Variants in CHRM3 observed in about 807,000 individuals in gnomAD.
CHRM3 encodes cholinergic receptor muscarinic 3.
Under a neutral mutation model 41.8 loss-of-function variants are expected in CHRM3, and 11 were observed. That is an observed-to-expected ratio of 0.26 (90% CI 0.17 to 0.44). The LOEUF is 0.44. CHRM3 is among the 20% of genes least tolerant of loss of function. CHRM3 has a pLI of 1.00. For missense variants in CHRM3, 571 were observed against 745.4 expected, an observed-to-expected ratio of 0.77 and a Z score of 2.72; for synonymous variants, 297 against 301.4, an observed-to-expected ratio of 0.99 and a Z score of 0.15.
chr1:239,542,175 C>G (rs181397470), intron 2 of CHRM3, among the ~76,000 whole-genome samples: 2 of 151,962 alleles, frequency 1.3e-5, no homozygotes, highest in Non-Finnish European at 2.9e-5. Flanking sequence ...AAGACAGATA[C>G]GCAAACAGAT....
chr1:239,904,665 AC>A (rs1469003637), intron 6 of CHRM3, among the ~76,000 whole-genome samples: 7 of 152,302 alleles, frequency 4.6e-5, no homozygotes, highest in Admixed American at 4.6e-4. Context: ...GTAAGTTGAC[AC>A]CTAATAAAAC....
intron 1 of CHRM3, among the ~76,000 whole-genome samples, chr1:239,453,019 C>G: frequency 6.6e-6 from 1 of 152,148 alleles, no homozygotes; most frequent in Non-Finnish European, 1.5e-5. Flanking sequence ...CCAGGATGGT[C>G]TGGATCTCCT....
At chr1:239,644,621 G>T (rs1414583824) in intron 4 of CHRM3, among the ~76,000 whole-genome samples, 1 of 152,154 alleles carries the variant, frequency 6.6e-6, no homozygotes, top group Non-Finnish European at 1.5e-5. Context: ...ATTCTTATCA[G>T]CCTGTCCCTT....
At chr1:239,588,448 T>C (rs1663665088) in intron 3 of CHRM3, among the ~76,000 whole-genome samples, 1 of 152,228 alleles carries the variant, frequency 6.6e-6, no homozygotes, top group South Asian at 2.1e-4. Context: ...TGCTCATTAA[T>C]TCAATGTATG....
intron 5 of CHRM3, among the ~76,000 whole-genome samples, chr1:239,814,053 AATAC>A (rs1671372283): frequency 1.1e-5 from 1 of 87,312 alleles, no homozygotes; most frequent in Non-Finnish European, 2.3e-5. Flanking sequence ...TAAATAAATA[AATAC>A]ATAAACTAAT....
At chr1:239,825,288 C>T (rs949828098) in intron 5 of CHRM3, among the ~76,000 whole-genome samples, 2 of 152,168 alleles carry the variant, frequency 1.3e-5, no homozygotes, top group Non-Finnish European at 2.9e-5. Context: ...CATGCCTGCT[C>T]CGCCCTCTAC....
intron 3 of CHRM3, among the ~76,000 whole-genome samples, chr1:239,602,110 G>GTGTGTGTATATATATATATATATA (rs1307023039): frequency 3.5e-5 from 4 of 112,842 alleles, no homozygotes; most frequent in African/African-American, 1.4e-4. Flanking sequence ...GTGTGTGTGT[G>GTGTGTGTATATATATATATATATA]TATATATATA....
At chr1:239,853,388 G>GT (rs1037418345) in intron 6 of CHRM3, among the ~76,000 whole-genome samples, 14 of 151,528 alleles carry the variant, frequency 9.2e-5, no homozygotes, top group Non-Finnish European at 1.6e-4. Context: ...AAATAGTCTT[G>GT]TTTTTTTCTT....
intron 6 of CHRM3, among the ~76,000 whole-genome samples, chr1:239,891,546 T>C (rs760600606): frequency 3.3e-5 from 5 of 152,160 alleles, no homozygotes; most frequent in Admixed American, 1.3e-4. Flanking sequence ...GGAATTTTGC[T>C]GAGTAGGGTG....
intron 2 of CHRM3, among the ~76,000 whole-genome samples, chr1:239,504,580 A>T (rs1668442360): frequency 6.6e-6 from 1 of 152,200 alleles, no homozygotes; most frequent in Non-Finnish European, 1.5e-5. Flanking sequence ...ATCCAGAGAA[A>T]AAGAAGTCAT....
At chr1:239,663,403 A>G (rs1473711855) in intron 4 of CHRM3, among the ~76,000 whole-genome samples, 1 of 152,154 alleles carries the variant, frequency 6.6e-6, no homozygotes, top group Non-Finnish European at 1.5e-5. Flanking sequence ...ATTGTGCCAC[A>G]TCCCCTGGAG....
intron 6 of CHRM3, among the ~76,000 whole-genome samples, chr1:239,857,883 C>T (rs1457379166): frequency 6.6e-6 from 1 of 152,158 alleles, no homozygotes; most frequent in East Asian, 1.9e-4. Flanking sequence ...TGTCTGAAAT[C>T]TTAGACATCT....
rs1158381885 is a variant in CHRM3 at position 239,797,423 on chromosome 1, G to C, written c.-146-29829G>C. ...CTCATTCTTTAAAAAAAAAAAAAGA[G>C]TAAGACAAAAGGTCTGAAATGCTCC... On this transcript the variant is annotated intron_variant, in intron 5 of 6. Transcript: ENST00000676153. 5.3e-5 allele frequency among the ~76,000 whole-genome samples: 8 copies of C among 150,864 alleles called. No individual in the cohort carries two copies. The East Asian group carries it at 1.4e-3, about 26-fold the overall frequency.
intron 1 of CHRM3, among the ~76,000 whole-genome samples, chr1:239,400,458 T>C (rs1373182882): frequency 1.3e-5 from 2 of 152,180 alleles, no homozygotes; most frequent in African/African-American, 2.4e-5. Flanking sequence ...TTTCTCTTGA[T>C]ATAATTCCAT....
intron 5 of CHRM3, among the ~76,000 whole-genome samples, chr1:239,770,531 A>G (rs1227285510): frequency 6.6e-6 from 1 of 152,322 alleles, no homozygotes; most frequent in South Asian, 2.1e-4. Context: ...TTCAATAATC[A>G]CGATTTTAAG....
chr1:239,472,787 C>T (rs1004778898), intron 1 of CHRM3, among the ~76,000 whole-genome samples: 12 of 152,046 alleles, frequency 7.9e-5, no homozygotes, highest in African/African-American at 2.9e-4. Context: ...GGACTTAGTA[C>T]CTAGGTGATG....
rs553590170 is a variant in CHRM3 at position 239,409,368 on chromosome 1, G to A, written c.-521+22141G>A. On this transcript the variant is annotated intron_variant, in intron 1 of 6. Transcript: ENST00000676153. Reference sequence around the variant, plus strand: ...ATACTGTAAATTGTATTCTGAAGTTGGTTGTGTAGAAGATACTCACTGGAG... The same window carrying A: ...ATACTGTAAATTGTATTCTGAAGTTAGTTGTGTAGAAGATACTCACTGGAG... Among the ~76,000 whole-genome samples the A allele has an allele frequency of 2.0e-5, 3 of 152,286 alleles. No individual in the cohort carries two copies. The East Asian group carries it at 5.8e-4, about 29-fold the overall frequency.
intron 1 of CHRM3, among the ~76,000 whole-genome samples, chr1:239,398,052 C>T (rs534748528): frequency 2.0e-5 from 3 of 151,866 alleles, no homozygotes; most frequent in African/African-American, 4.8e-5. Context: ...TTGTGGAACT[C>T]GGGAAGGTCA....
rs562279765 is a variant in CHRM3, at chr1:239,845,530, G to A, written c.-20+18152G>A. ...GTTCTCTTAGATATTGCTTATACAT[G>A]TCAGCATTGCTGTGGCGTGTCACCC... On this transcript the variant is annotated intron_variant, in intron 6 of 6. Transcript: ENST00000676153. Among the ~76,000 whole-genome samples the A allele has an allele frequency of 2.0e-5, 3 of 152,302 alleles. No individual in the cohort carries two copies. In the South Asian group the frequency reaches 6.2e-4, roughly 32 times the overall value.
Sources: allele counts gnomAD v4.1 joint callset (sites outside exome capture counted in the v4.1 genomes callset), GRCh38; gene constraint gnomAD v4.1.1; transcripts MANE v1.5; gene names NCBI Gene and HGNC (gene_info 2026-07-23, HGNC 2026-07-21).